Variants in MTMR7 observed in about 807,000 individuals in gnomAD.
The protein encoded by MTMR7 is myotubularin related protein 7.
Under a neutral mutation model 81.2 loss-of-function variants are expected in MTMR7, and 76 were observed. The ratio of observed to expected loss-of-function variants is 0.94; its 90% confidence interval spans 0.78 to 1.13. The LOEUF is 1.13. Among genes scored for constraint, MTMR7 ranks in the 50% most tolerant of loss-of-function variants. The pLI is 0.00. For missense variants in MTMR7, 1,044 were observed against 820.0 expected, an observed-to-expected ratio of 1.27 and a Z score of -3.34; for synonymous variants, 372 against 289.8, an observed-to-expected ratio of 1.28 and a Z score of -2.88.
At chr8:17,388,060 A>G (rs1821003861) in intron 1 of MTMR7, among the ~76,000 whole-genome samples, 1 of 152,226 alleles carries the variant, frequency 6.6e-6, no homozygotes, top group Non-Finnish European at 1.5e-5. Flanking sequence ...AGGCAGAACA[A>G]GAAAAAAGTG....
intron 1 of MTMR7, among the ~76,000 whole-genome samples, chr8:17,406,850 G>C (rs754036737): frequency 2.0e-5 from 3 of 152,104 alleles, no homozygotes; most frequent in African/African-American, 4.8e-5. Flanking sequence ...TAAGTGAAAA[G>C]AAGAGGTCAC....
At chr8:17,366,888 A>C (rs1820242641) in intron 3 of MTMR7, among the ~76,000 whole-genome samples, 1 of 130,270 alleles carries the variant, frequency 7.7e-6, no homozygotes, top group Non-Finnish European at 1.6e-5. Flanking sequence ...TCCATCTCAA[A>C]AAAAAAAAAA....
chr8:17,317,649 C>G (rs753969158), intron 7 of MTMR7, among the ~76,000 whole-genome samples: 2 of 152,132 alleles, frequency 1.3e-5, no homozygotes, highest in Admixed American at 6.5e-5. Context: ...AGGAAGGAGG[C>G]TGGGACCCAA....
chr8:17,335,612 C>G (rs1016720214), intron 6 of MTMR7, among the ~76,000 whole-genome samples: 1 of 152,190 alleles, frequency 6.6e-6, no homozygotes, highest in African/African-American at 2.4e-5. Context: ...CTTGCCCTAA[C>G]ACAGGTGGTC....
At chr8:17,356,899 G>A (rs568754319) in intron 4 of MTMR7, among the ~76,000 whole-genome samples, 1 of 152,166 alleles carries the variant, frequency 6.6e-6, no homozygotes, top group Non-Finnish European at 1.5e-5. Flanking sequence ...AGGCCAATAT[G>A]TCCACGCAAA....
intron 1 of MTMR7, among the ~76,000 whole-genome samples, chr8:17,399,446 C>G (rs977595437): frequency 1.3e-5 from 2 of 151,984 alleles, no homozygotes; most frequent in African/African-American, 4.8e-5. Flanking sequence ...CTATAAAAGG[C>G]AAACTATAAA....
intron 1 of MTMR7, among the ~76,000 whole-genome samples, chr8:17,378,692 C>A (rs28499061): frequency 0.22 from 33,741 of 152,124 alleles, 7,436 homozygotes; most frequent in African/African-American, 0.57. Flanking sequence ...AGATATTACA[C>A]TATATTATTA....
At position 17,390,773 on chromosome 8, in the gene MTMR7, G is replaced by A. The variant is rs200385074; in HGVS notation, c.25-17533C>T. 2.0e-5 allele frequency among the ~76,000 whole-genome samples: 3 copies of A among 152,172 alleles called. No individual in the cohort carries two copies. The East Asian group carries it at 5.8e-4, about 29-fold the overall frequency. ...CAGGAGAGAGAAGTACAGAATGAAA[G>A]GGGAAGAGCCCCTTATGAAATCATC... On this transcript the variant is annotated intron_variant, in intron 1 of 13. Coordinates refer to ENST00000180173, the MANE Select transcript of MTMR7 (RefSeq NM_004686.5).
intron 11 of MTMR7, among the ~76,000 whole-genome samples, chr8:17,304,987 C>A (rs188704727): frequency 6.0e-4 from 91 of 152,048 alleles, no homozygotes; most frequent in African/African-American, 2.0e-3. Context: ...ATATTCAGAC[C>A]CAAGCAGATA....
Position 17,317,596 on chromosome 8 carries a change from C to G in MTMR7, c.866-4195G>C, listed in dbSNP as rs1275107793. Among the ~76,000 whole-genome samples, 4 of 152,166 alleles carry G rather than the reference C, an allele frequency of 2.6e-5. No homozygotes were observed. In the East Asian group the frequency reaches 7.7e-4, roughly 29 times the overall value. The stretch of plus-strand genomic sequence containing the variant: ...TCCAGAAAGTGTATCACCATCTTCT[C>G]TTGTGGAAGTGTGGAAAGAGGCTTC... On this transcript the variant is annotated intron_variant, in intron 7 of 13. Coordinates refer to ENST00000180173, the MANE Select transcript of MTMR7 (RefSeq NM_004686.5).
intron 4 of MTMR7, among the ~76,000 whole-genome samples, chr8:17,353,714 C>G (rs1245359916): frequency 2.0e-5 from 3 of 152,250 alleles, no homozygotes; most frequent in South Asian, 4.1e-4. Context: ...TGCACTCTGC[C>G]TTAGTTAATG....
chr8:17,369,474 T>C (rs111703629), intron 3 of MTMR7, among the ~76,000 whole-genome samples: 5 of 152,304 alleles, frequency 3.3e-5, no homozygotes, highest in South Asian at 2.1e-4. Flanking sequence ...AAGTTCATAA[T>C]TGAACTTCTT....
Position 17,299,986 on chromosome 8 carries a change from T to A in MTMR7, c.1859A>T (p.Asn620Ile), listed in dbSNP as rs1381562074. 1 of 1,614,164 alleles carries A rather than the reference T, an allele frequency of 6.2e-7. No homozygotes were observed. The highest frequency in any genetic ancestry group is 8.5e-7 in the Non-Finnish European group (1 of 1,179,998). The change falls in exon 14 of 14, where the codon AAC becomes ATC. Residue 620 changes from asparagine to isoleucine, a missense_variant. Asn to Ile is a moderately radical substitution (Grantham distance 149, BLOSUM62 -3). Transcript: ENST00000180173. ...CTCCACCCCGGACTCTTGGTCACTGTTGGCTGACAGATCTGGATCTGAACT... is the reference window on the plus strand; with the variant it reads ...CTCCACCCCGGACTCTTGGTCACTGATGGCTGACAGATCTGGATCTGAACT... ...LKSSDPDLSANSDQESGVEDL... is the reference protein window; with the variant it reads ...LKSSDPDLSAISDQESGVEDL...
At chr8:17,352,139 C>A (rs959479492) in intron 4 of MTMR7, among the ~76,000 whole-genome samples, 40 of 152,046 alleles carry the variant, frequency 2.6e-4, no homozygotes, top group African/African-American at 9.4e-4. Flanking sequence ...TAGCAAAAAA[C>A]GATTTTGAAA....
In MTMR7 at chr8:17,370,965, A is replaced by G. The variant is rs534761956; in HGVS notation, c.310+72T>C. ...AACCCCTATCATTCCTAAGCACCAT[A>G]CAAATTCTTGAATCTGATTTGCAAA... On this transcript the variant is annotated intron_variant, in intron 3 of 13. Transcript: ENST00000180173. 112 of 1,492,458 alleles carry G rather than the reference A, an allele frequency of 7.5e-5. 1 individual carries two copies. In the South Asian group the frequency reaches 1.3e-3, roughly 18 times the overall value. 92.5% of individuals were successfully genotyped at this position (1,492,458 alleles called of 1,614,324 possible).
At chr8:17,400,993 C>G (rs1216741266) in intron 1 of MTMR7, among the ~76,000 whole-genome samples, 1 of 152,094 alleles carries the variant, frequency 6.6e-6, no homozygotes, top group Non-Finnish European at 1.5e-5. Flanking sequence ...ACAGAACACA[C>G]GGTCTGTTAT....
At chr8:17,404,872 C>A (rs191377223) in intron 1 of MTMR7, among the ~76,000 whole-genome samples, 26 of 152,308 alleles carry the variant, frequency 1.7e-4, no homozygotes, top group Admixed American at 3.3e-4. Context: ...GTAGCCCAAG[C>A]TGGAGTGCAG....
At chr8:17,337,283 T>G (rs2150538037) in intron 6 of MTMR7, among the ~76,000 whole-genome samples, 1 of 150,050 alleles carries the variant, frequency 6.7e-6, no homozygotes, top group South Asian at 2.1e-4. Flanking sequence ...GAGAATCACT[T>G]GAACCCGGGA....
intron 3 of MTMR7, among the ~76,000 whole-genome samples, chr8:17,370,023 C>T (rs919815734): frequency 8.5e-5 from 13 of 152,072 alleles, no homozygotes; most frequent in Admixed American, 5.9e-4. Context: ...TCTGTAGAAG[C>T]GAACAGTAAG....
Sources: allele counts gnomAD v4.1 joint callset (sites outside exome capture counted in the v4.1 genomes callset), GRCh38; gene constraint gnomAD v4.1.1; transcripts MANE v1.5; gene names NCBI Gene and HGNC (gene_info 2026-07-23, HGNC 2026-07-21).